TTF2: variants seen among roughly 807,000 people sequenced by gnomAD.
TTF2 encodes RNA polymerase II termination factor.
In TTF2, 108 loss-of-function variants were observed where a neutral mutation model predicts 142.4. That is an observed-to-expected ratio of 0.76 (90% CI 0.65 to 0.89). The LOEUF is 0.89. Ranked by LOEUF, TTF2 falls within the 40% of genes least tolerant of loss-of-function variation. The pLI is 0.00. For missense variants in TTF2, 1,327 were observed against 1,379.8 expected, an observed-to-expected ratio of 0.96 and a Z score of 0.61; for synonymous variants, 483 against 506.2, an observed-to-expected ratio of 0.95 and a Z score of 0.61.
chr1:117,065,246 T>C (rs189060811), intron 3 of TTF2, among the ~76,000 whole-genome samples: 1 of 152,372 alleles, frequency 6.6e-6, no homozygotes, highest in East Asian at 1.9e-4. Context: ...ATTGAATCTA[T>C]ATAGATCAAT....
intron 20 of TTF2, 51 bp downstream of exon 20, chr1:117,096,350 A>T: frequency 6.3e-7 from 1 of 1,578,346 alleles, no homozygotes; most frequent in East Asian, 2.3e-5. Flanking sequence ...TGAGTTATAC[A>T]AAGAGAATTC....
intron 10 of TTF2, 147 bp downstream of exon 10, chr1:117,082,094 C>A: frequency 8.5e-7 from 1 of 1,183,122 alleles, no homozygotes; most frequent in Non-Finnish European, 1.2e-6. Flanking sequence ...CCTATCATAT[C>A]ATTTCTGATG....
Position 117,093,437 on chromosome 1 carries a change from T to C in TTF2, c.2976+536T>C, listed in dbSNP as rs370695747. Among the ~76,000 whole-genome samples, 102 of 152,328 alleles carry C rather than the reference T, an allele frequency of 6.7e-4. No homozygotes were observed. The highest frequency in any genetic ancestry group is 3.4e-3 in the Middle Eastern group (1 of 294). On this transcript the variant is annotated intron_variant, in intron 18 of 22. Coordinates refer to ENST00000369466, the MANE Select transcript of TTF2 (RefSeq NM_003594.4). This position sits in a 1 kb window ranked among gnomAD's most constrained non-coding sequence, Gnocchi z 4.5. ...AGGAAGGCTTAGATATGCCGTAACC[T>C]GAATCCTGCCTGTCTGCTGGCTCGG...
At position 117,073,871 on chromosome 1, in the gene TTF2, G is replaced by A; in HGVS notation, c.285+144G>A. On this transcript the variant is annotated intron_variant, in intron 4 of 22. Transcript: ENST00000369466. This position sits in a 1 kb window ranked among gnomAD's most constrained non-coding sequence, Gnocchi z 4.4. The stretch of plus-strand genomic sequence containing the variant: ...AGATAGTTTTCTTTAAGCAAGGTAG[G>A]CCCTGTTGGGACTTTTATTCAAAGG... 2 of 597,966 alleles carry A rather than the reference G, an allele frequency of 3.3e-6. No homozygotes were observed. Among genetic ancestry groups the A allele is most frequent in the Non-Finnish European group, 5.4e-6 (2 of 367,268 alleles). The allele number at this position is 597,966 out of a possible 1,614,324, so 37.0% of individuals were successfully genotyped here. A position where few individuals can be genotyped will look rare whatever the true frequency, so the allele number is the denominator to read the frequency against.
rs756953586 is a variant in TTF2, at chr1:117,085,761, A to G, written c.2055-656A>G. Among the ~76,000 whole-genome samples, 45 of 152,180 alleles carry G rather than the reference A, an allele frequency of 3.0e-4. No homozygotes were observed. The highest frequency in any genetic ancestry group is 5.2e-4 in the Admixed American group (8 of 15,272). Reference sequence around the variant, plus strand: ...AATAAATAAATAAAATAAAGTATTTATTGAAGTTCTCACAATATTAAGCTT... The same window carrying G: ...AATAAATAAATAAAATAAAGTATTTGTTGAAGTTCTCACAATATTAAGCTT... On this transcript the variant is annotated intron_variant, in intron 11 of 22. Transcript: ENST00000369466. This position sits in a 1 kb window ranked among gnomAD's most constrained non-coding sequence, Gnocchi z 4.7.
rs766698105 is a variant in TTF2, at chr1:117,076,327, T to A, written c.1390+33T>A. 6.5e-7 allele frequency: 1 copy of A among 1,547,656 alleles called. No individual in the cohort carries two copies. Among genetic ancestry groups the A allele is most frequent in the Admixed American group, 1.8e-5 (1 of 55,924 alleles). Reference sequence around the variant, plus strand: ...GGCTTATGCCTCAGAACTCCGGGTTTGCATCGACTTTACAAGAGACATTCG... The same window carrying A: ...GGCTTATGCCTCAGAACTCCGGGTTAGCATCGACTTTACAAGAGACATTCG... On this transcript the variant is annotated intron_variant, in intron 6 of 22. Coordinates refer to ENST00000369466, the MANE Select transcript of TTF2 (RefSeq NM_003594.4). This position sits in a 1 kb window ranked among gnomAD's most constrained non-coding sequence, Gnocchi z 4.6.
chr1:117,101,731 AATTT>A lies in TTF2; in HGVS notation c.*213_*216del, dbSNP rs1649601098. On this transcript the variant is annotated 3_prime_UTR_variant, in exon 23 of 23. Transcript: ENST00000369466. This position sits in a 1 kb window ranked among gnomAD's most constrained non-coding sequence, Gnocchi z 5.9. ...CAATTAGTTAACCAATTATGTTAATAATTTATTTAATGAGTGGTATGGAAACCAA... is the reference window on the plus strand; with the variant it reads ...CAATTAGTTAACCAATTATGTTAATAATTTAATGAGTGGTATGGAAACCAA... 2.4e-6 allele frequency: 1 copy of A among 420,850 alleles called. No individual in the cohort carries two copies. Among genetic ancestry groups the A allele is most frequent in the Non-Finnish European group, 4.1e-6 (1 of 244,440 alleles). The allele number at this position is 420,850 out of a possible 1,614,324, so 26.1% of individuals were successfully genotyped here.
At position 117,099,641 on chromosome 1, in the gene TTF2, AAAAC is replaced by A. The variant is rs1220950154; in HGVS notation, c.3344+737_3344+740del. Among the ~76,000 whole-genome samples, 1 of 152,162 alleles carries A rather than the reference AAAAC, an allele frequency of 6.6e-6. No homozygotes were observed. The highest frequency in any genetic ancestry group is 1.5e-5 in the Non-Finnish European group (1 of 68,020). ...TCTGTTTTGGACCCCCTTGTCTTTAAAAACAACAAAACCTGCCTTAATGCTGCCA... is the reference window on the plus strand; with the variant it reads ...TCTGTTTTGGACCCCCTTGTCTTTAAAACAAAACCTGCCTTAATGCTGCCA... On this transcript the variant is annotated intron_variant, in intron 22 of 22. Transcript: ENST00000369466. This position sits in a 1 kb window ranked among gnomAD's most constrained non-coding sequence, Gnocchi z 4.3.
Position 117,090,715 on chromosome 1 carries a change from T to C in TTF2, c.2588+92T>C. ...TTGAAGGTCAAATTTCCACAAACTTTATGGCATTATTGATTAGTTGGATGT... is the reference window on the plus strand; with the variant it reads ...TTGAAGGTCAAATTTCCACAAACTTCATGGCATTATTGATTAGTTGGATGT... On this transcript the variant is annotated intron_variant, in intron 15 of 22. Transcript: ENST00000369466. This position sits in a 1 kb window ranked among gnomAD's most constrained non-coding sequence, Gnocchi z 4.8. The C allele has an allele frequency of 9.3e-7, 1 of 1,075,382 alleles. No homozygotes were observed. The highest frequency in any genetic ancestry group is 1.4e-6 in the Non-Finnish European group (1 of 726,310). 66.6% of individuals were successfully genotyped at this position (1,075,382 alleles called of 1,614,324 possible). A position where few individuals can be genotyped will look rare whatever the true frequency, so the allele number is the denominator to read the frequency against.
At chr1:117,062,340 C>T in intron 2 of TTF2, 47 bp from the exon 3 acceptor site, 1 of 1,565,988 alleles carries the variant, frequency 6.4e-7, no homozygotes, top group Non-Finnish European at 8.8e-7. Flanking sequence ...GGATATTGAT[C>T]TCTGTTCCTG....
At position 117,075,976 on chromosome 1, in the gene TTF2, A is replaced by T. The variant is rs575688979; in HGVS notation, c.1275+117A>T. ...GTTCATGTGAAGGTTTTATAGGTGC[A>T]TGTTCAGTTTCTGCCTTTTCCCCTA... On this transcript the variant is annotated intron_variant, in intron 5 of 22. Coordinates refer to ENST00000369466, the MANE Select transcript of TTF2 (RefSeq NM_003594.4). The surrounding 1 kb of genome is among the most constrained non-coding windows in gnomAD (Gnocchi z 4.5). The T allele has an allele frequency of 8.4e-6, 12 of 1,426,110 alleles. No homozygotes were observed. Among genetic ancestry groups the T allele is most frequent in the Non-Finnish European group, 1.1e-5 (12 of 1,071,796 alleles). 88.3% of individuals were successfully genotyped at this position (1,426,110 alleles called of 1,614,324 possible). A position where few individuals can be genotyped will look rare whatever the true frequency, so the allele number is the denominator to read the frequency against.
chr1:117,067,895 C>T (rs1181736908), intron 3 of TTF2, among the ~76,000 whole-genome samples: 2 of 152,200 alleles, frequency 1.3e-5, no homozygotes, highest in African/African-American at 4.8e-5. Flanking sequence ...TAAACTGAGG[C>T]GAAGATGCCC....
In TTF2 at chr1:117,075,495, C is replaced by T. The variant is rs749730325; in HGVS notation, c.911C>T (p.Thr304Ile). ...AAGGATGGCCCTAGCATACAGGCCA[C>T]CCAGAAAAGCCTGCCTCAGGGGCAT... ...KAKDGPSIQA[T>I]QKSLPQGHFQ... The change falls in exon 5 of 23, where the codon ACC becomes ATC. Residue 304 changes from threonine (T) to isoleucine (I), a missense_variant. Thr to Ile is a moderately conservative substitution (Grantham distance 89). Transcript: ENST00000369466. The surrounding 1 kb of genome is among the most constrained non-coding windows in gnomAD (Gnocchi z 4.5). The T allele has an allele frequency of 4.8e-5, 77 of 1,613,998 alleles. No individual in the cohort carries two copies. The South Asian group carries it at 7.7e-4, about 16-fold the overall frequency.
At position 117,076,076 on chromosome 1, in the gene TTF2, A is replaced by C. The variant is rs1308079080; in HGVS notation, c.1276-104A>C. 2.3e-6 allele frequency: 3 copies of C among 1,331,008 alleles called. No homozygotes were observed. In the African/African-American group the frequency reaches 4.4e-5, roughly 20 times the overall value. 82.4% of individuals were successfully genotyped at this position (1,331,008 alleles called of 1,614,324 possible). On this transcript the variant is annotated intron_variant, in intron 5 of 22. Coordinates refer to ENST00000369466, the MANE Select transcript of TTF2 (RefSeq NM_003594.4). The surrounding 1 kb of genome is among the most constrained non-coding windows in gnomAD (Gnocchi z 4.6). ...TTCTGGTTTTTGCACACATATTTAAAAGACCATAATTTCAGAGTTTGGGTG... is the reference window on the plus strand; with the variant it reads ...TTCTGGTTTTTGCACACATATTTAACAGACCATAATTTCAGAGTTTGGGTG...
chr1:117,088,823 G>A lies in TTF2; in HGVS notation c.2183G>A (p.Arg728Gln), dbSNP rs200362905. The A allele has an allele frequency of 9.9e-6, 16 of 1,613,376 alleles. No homozygotes were observed. The highest frequency in any genetic ancestry group is 2.7e-5 in the African/African-American group (2 of 74,842). The change falls in exon 13 of 23, where the codon CGA (arginine) becomes CAA (glutamine). Residue 728 changes from arginine to glutamine, a missense_variant. Physicochemically the swap from Arg to Gln is conservative, Grantham distance 43. Coordinates refer to ENST00000369466, the MANE Select transcript of TTF2 (RefSeq NM_003594.4). ...CAGGGCACCTCAACACCTTTGCTTCGAATAGCCTGGGCTCGAATCATATTG... is the reference window on the plus strand; with the variant it reads ...CAGGGCACCTCAACACCTTTGCTTCAAATAGCCTGGGCTCGAATCATATTG... ...NVEGTSTPLL[R>Q]IAWARIILDE... is the part of the protein sequence containing the mutation.
At position 117,086,001 on chromosome 1, in the gene TTF2, GTCA is replaced by G. The variant is rs1365380879; in HGVS notation, c.2055-413_2055-411del. On this transcript the variant is annotated intron_variant, in intron 11 of 22. Transcript: ENST00000369466. The surrounding 1 kb of genome is among the most constrained non-coding windows in gnomAD (Gnocchi z 4.2). ...TATCTTTCTCCCCTGGGACTTTGGT[GTCA>G]TCCATCTCAAATCATTATTAAATGT... Among the ~76,000 whole-genome samples the G allele has an allele frequency of 6.6e-6, 1 of 152,168 alleles. No homozygotes were observed.
At position 117,092,839 on chromosome 1, in the gene TTF2, G is replaced by C; in HGVS notation, c.2914G>C (p.Val972Leu). The C allele has an allele frequency of 6.2e-7, 1 of 1,614,170 alleles. No homozygotes were observed. Among genetic ancestry groups the C allele is most frequent in the Non-Finnish European group, 8.5e-7 (1 of 1,180,040 alleles). Residue 972 changes from valine to leucine, a missense_variant, in exon 18 of 23, where the codon GTT becomes CTT. Val to Leu is a conservative substitution (Grantham distance 32). Transcript: ENST00000369466. This position sits in a 1 kb window ranked among gnomAD's most constrained non-coding sequence, Gnocchi z 4.4. ...ELRDSEPSST[V>L]SLNGTFFKME... Reference sequence around the variant, plus strand: ...CCGTGACTCAGAGCCATCTTCCACTGTTTCCCTTAACGGCACCTTCTTCAA... The same window carrying C: ...CCGTGACTCAGAGCCATCTTCCACTCTTTCCCTTAACGGCACCTTCTTCAA...
rs2101405126 is a variant in TTF2, at chr1:117,073,816, T to C, written c.285+89T>C. 7.9e-7 allele frequency: 1 copy of C among 1,265,022 alleles called. No individual in the cohort carries two copies. The highest frequency in any genetic ancestry group is 1.4e-5 in the South Asian group (1 of 69,674). 78.4% of individuals were successfully genotyped at this position (1,265,022 alleles called of 1,614,324 possible). ...GAAAATACCTTGAAGTTCACGTAAA[T>C]GAGTTGGTCTTCATCAGACTGTCTC... On this transcript the variant is annotated intron_variant, in intron 4 of 22. Coordinates refer to ENST00000369466, the MANE Select transcript of TTF2 (RefSeq NM_003594.4). This position sits in a 1 kb window ranked among gnomAD's most constrained non-coding sequence, Gnocchi z 4.4.
chr1:117,072,030 A>G (rs1189863084), intron 3 of TTF2, among the ~76,000 whole-genome samples: 1 of 152,104 alleles, frequency 6.6e-6, no homozygotes, highest in African/African-American at 2.4e-5. Context: ...TGGTAGACAG[A>G]TTGGGATGAT....
Sources: gnomAD v4.1 joint callset for allele counts (sites outside exome capture counted in the v4.1 genomes callset) on GRCh38, gnomAD v4.1.1 for gene constraint, Gnocchi (gnomAD v3.1) non-coding constraint, MANE v1.5 for transcripts, NCBI Gene and HGNC (gene_info 2026-07-23, HGNC 2026-07-21) for gene names.